Variants in TMCC1 observed in about 807,000 individuals in gnomAD.
The protein encoded by TMCC1 is transmembrane and coiled-coil domain family 1.
Under a neutral mutation model 52.4 loss-of-function variants are expected in TMCC1, and 15 were observed. That is an observed-to-expected ratio of 0.29 (90% confidence interval 0.19 to 0.44). The LOEUF is 0.44. Ranked by LOEUF, TMCC1 falls within the 20% of genes least tolerant of loss-of-function variation. TMCC1 has a pLI of 1.00. For missense variants in TMCC1, 503 were observed against 806.0 expected (o/e 0.62, Z 4.55); for synonymous variants, 279 against 301.9 (o/e 0.92, Z 0.79).
At chr3:129,866,309 ATATAT>A (rs1361246872) in intron 2 of TMCC1, among the ~76,000 whole-genome samples, 5 of 121,652 alleles carry the variant, frequency 4.1e-5, no homozygotes, top group East Asian at 2.0e-4. Flanking sequence ...TAATATATAC[ATATAT>A]TATATATACA....
At chr3:129,874,514 C>T (rs944167594) in intron 2 of TMCC1, among the ~76,000 whole-genome samples, 11 of 151,862 alleles carry the variant, frequency 7.2e-5, no homozygotes, top group African/African-American at 2.4e-4. Context: ...TCAAGATCAG[C>T]GTTGTCAACA....
At chr3:129,708,229 T>C (rs1312380109) in intron 4 of TMCC1, among the ~76,000 whole-genome samples, 1 of 152,218 alleles carries the variant, frequency 6.6e-6, no homozygotes. Context: ...GGGTGTTTTA[T>C]GTTGTAATTA....
At chr3:129,818,425 T>C (rs145715521) in intron 4 of TMCC1, among the ~76,000 whole-genome samples, 1,989 of 146,488 alleles carry the variant, frequency 0.014, 30 homozygotes, top group African/African-American at 0.015. Context: ...AGAAAAGTTT[T>C]AAAGAAACTT....
At chr3:129,892,118 C>T (rs945924132) in intron 1 of TMCC1, among the ~76,000 whole-genome samples, 2 of 152,176 alleles carry the variant, frequency 1.3e-5, no homozygotes, top group African/African-American at 2.4e-5. Flanking sequence ...CATACCAAAT[C>T]TTAATCAATG....
At chr3:129,766,423 A>G (rs544039228) in intron 4 of TMCC1, among the ~76,000 whole-genome samples, 1 of 152,334 alleles carries the variant, frequency 6.6e-6, no homozygotes, top group African/African-American at 2.4e-5. Context: ...CAGAGAATAC[A>G]AAGATGACTG....
chr3:129,817,015 G>T (rs1390004339), intron 4 of TMCC1, among the ~76,000 whole-genome samples: 13 of 151,868 alleles, frequency 8.6e-5, no homozygotes, highest in Non-Finnish European at 2.9e-5. Context: ...GTGACAGAGC[G>T]AGAGCCTGTC....
intron 4 of TMCC1, among the ~76,000 whole-genome samples, chr3:129,735,669 G>C (rs952329400): frequency 2.2e-5 from 3 of 135,356 alleles, no homozygotes; most frequent in African/African-American, 8.5e-5. Flanking sequence ...AAAAAGCAAA[G>C]AGAACCAGGG....
chr3:129,664,047 T>A (rs534470602), intron 5 of TMCC1, among the ~76,000 whole-genome samples: 4 of 152,348 alleles, frequency 2.6e-5, no homozygotes, highest in Admixed American at 6.5e-5. Context: ...TCCATTCCTC[T>A]TTAGCGGCTA....
chr3:129,739,940 T>C (rs955685020), intron 4 of TMCC1, among the ~76,000 whole-genome samples: 9 of 152,248 alleles, frequency 5.9e-5, no homozygotes, highest in African/African-American at 2.2e-4. Flanking sequence ...GGTTCCCTCT[T>C]TTGCTATTCC....
intron 4 of TMCC1, among the ~76,000 whole-genome samples, chr3:129,804,384 A>C (rs1209804142): frequency 6.6e-6 from 1 of 152,196 alleles, no homozygotes; most frequent in East Asian, 1.9e-4. Flanking sequence ...ATATGTTCTT[A>C]ACTTACAGTC....
chr3:129,721,877 A>AAAACAAAC (rs112551122), intron 4 of TMCC1, among the ~76,000 whole-genome samples: 7 of 151,368 alleles, frequency 4.6e-5, no homozygotes, highest in East Asian at 2.0e-4. Context: ...CTCCGTCTCA[A>AAAACAAAC]AAACAAACAA....
chr3:129,837,621 A>T (rs1471499134), intron 2 of TMCC1, among the ~76,000 whole-genome samples: 1 of 152,222 alleles, frequency 6.6e-6, no homozygotes, highest in Admixed American at 6.5e-5. Context: ...TTTAAACAAA[A>T]ATTATGAAGC....
At chr3:129,869,604 C>T (rs572412980) in intron 2 of TMCC1, among the ~76,000 whole-genome samples, 2 of 152,258 alleles carry the variant, frequency 1.3e-5, no homozygotes, top group South Asian at 2.1e-4. Flanking sequence ...AATTGTTGAA[C>T]ACTCAGTGTC....
At chr3:129,692,370 T>A (rs2047087057) in intron 4 of TMCC1, among the ~76,000 whole-genome samples, 3 of 152,204 alleles carry the variant, frequency 2.0e-5, no homozygotes, top group Admixed American at 2.0e-4. Flanking sequence ...CAGACTAATG[T>A]TAAATGGAGC....
chr3:129,859,763 C>T (rs1318352618), intron 2 of TMCC1, among the ~76,000 whole-genome samples: 3 of 151,916 alleles, frequency 2.0e-5, no homozygotes, highest in Non-Finnish European at 4.4e-5. Context: ...ATACTGCTTC[C>T]CTTCTGTTCT....
intron 1 of TMCC1, among the ~76,000 whole-genome samples, chr3:129,890,491 T>G (rs1227839359): frequency 6.6e-6 from 1 of 152,226 alleles, no homozygotes. Flanking sequence ...TCAAATACAT[T>G]ATCTTGTTTA....
At chr3:129,890,462 T>C (rs907343421) in intron 1 of TMCC1, among the ~76,000 whole-genome samples, 1 of 152,248 alleles carries the variant, frequency 6.6e-6, no homozygotes, top group African/African-American at 2.4e-5. Context: ...TTACTGACTA[T>C]CTTAAGTGCC....
intron 4 of TMCC1, among the ~76,000 whole-genome samples, chr3:129,767,028 G>A (rs370573154): frequency 2.0e-5 from 3 of 151,840 alleles, no homozygotes; most frequent in Non-Finnish European, 2.9e-5. Flanking sequence ...TTGGGAGGCC[G>A]AGGTGGGCAG....
chr3:129,829,758 C>T (rs2107837509), intron 3 of TMCC1, among the ~76,000 whole-genome samples: 1 of 152,260 alleles, frequency 6.6e-6, no homozygotes, highest in Non-Finnish European at 1.5e-5. Flanking sequence ...CACCAAGTGG[C>T]AATCTAGAAA....
Sources: allele counts gnomAD v4.1 joint callset (sites outside exome capture counted in the v4.1 genomes callset), GRCh38; gene constraint gnomAD v4.1.1; transcripts MANE v1.5; gene names NCBI Gene and HGNC (gene_info 2026-07-23, HGNC 2026-07-21).